GRID2IP: variants seen among roughly 807,000 people sequenced by gnomAD.
GRID2IP encodes delphilin.
A neutral mutation model predicts 114.3 loss-of-function variants in GRID2IP; 78 were observed. The ratio of observed to expected loss-of-function variants is 0.68; its 90% CI spans 0.57 to 0.82. The LOEUF (loss-of-function observed/expected upper bound fraction) is 0.82. GRID2IP is among the 40% of genes least tolerant of loss of function. The pLI is 0.00. For synonymous variants in GRID2IP, 809 were observed against 724.0 expected, an observed-to-expected ratio of 1.12 and a Z score of -1.89; for missense variants, 1,727 against 1,678.5, an observed-to-expected ratio of 1.03 and a Z score of -0.51.
chr7:6,523,772 C>A lies in GRID2IP; in HGVS notation c.920-1815G>T, dbSNP rs1322483793. ...CTCCTGGGCTCAAGTGATCTTCCTG[C>A]CTCGGCCTCCCAAAGTGCTGGGATT... is the stretch of plus-strand genomic sequence containing the variant. On this transcript the variant is annotated intron_variant, in intron 4 of 21. Coordinates refer to ENST00000457091, the MANE Select transcript of GRID2IP (RefSeq NM_001145118.2). This position sits in a 1 kb window ranked among gnomAD's most constrained non-coding sequence, Gnocchi z 4.5. Among the ~76,000 whole-genome samples, 1 of 152,054 alleles carries A rather than the reference C, an allele frequency of 6.6e-6. No homozygotes were observed. Among genetic ancestry groups the A allele is most frequent in the African/African-American group, 2.4e-5 (1 of 41,418 alleles).
intron 7 of GRID2IP, among the ~76,000 whole-genome samples, chr7:6,514,957 A>C (rs1185713554): frequency 5.9e-5 from 9 of 151,422 alleles, no homozygotes; most frequent in Non-Finnish European, 1.3e-4. Context: ...AACTCAAAAA[A>C]AAAAAAAAAG....
At position 6,508,914 on chromosome 7, in the gene GRID2IP, A is replaced by C. The variant is rs1583336419; in HGVS notation, c.2127+44T>G. On this transcript the variant is annotated intron_variant, in intron 12 of 21. Coordinates refer to ENST00000457091, the MANE Select transcript of GRID2IP (RefSeq NM_001145118.2). The surrounding 1 kb of genome is among the most constrained non-coding windows in gnomAD (Gnocchi z 5.6). The stretch of plus-strand genomic sequence containing the variant: ...ACACTGTTGCCTTGCAGACCGCCAC[A>C]CCTCGCCTCACCCGCCTCCCTCCAC... 6.6e-7 allele frequency: 1 copy of C among 1,521,398 alleles called. No individual in the cohort carries two copies. Among genetic ancestry groups the C allele is most frequent in the African/African-American group, 1.4e-5 (1 of 72,644 alleles). 94.2% of individuals were successfully genotyped at this position (1,521,398 alleles called of 1,614,324 possible). A position where few individuals can be genotyped will look rare whatever the true frequency, so the allele number is the denominator to read the frequency against.
Position 6,521,022 on chromosome 7 carries a change from G to A in GRID2IP, c.1085-261C>T, listed in dbSNP as rs1779401910. Among the ~76,000 whole-genome samples the A allele has an allele frequency of 6.6e-6, 1 of 152,228 alleles. No individual in the cohort carries two copies. Among genetic ancestry groups the A allele is most frequent in the South Asian group, 2.1e-4 (1 of 4,836 alleles). On this transcript the variant is annotated intron_variant, in intron 6 of 21. Transcript: ENST00000457091. This position sits in a 1 kb window ranked among gnomAD's most constrained non-coding sequence, Gnocchi z 4.1. Reference sequence around the variant, plus strand: ...GTCTTGCTCTGTTGCCCAGGCGGGAGTGCAATGGCGTGATCTCGGCTCACT... The same window carrying A: ...GTCTTGCTCTGTTGCCCAGGCGGGAATGCAATGGCGTGATCTCGGCTCACT...
At position 6,526,431 on chromosome 7, in the gene GRID2IP, A is replaced by AGCCCC; in HGVS notation, c.833+85_833+89dup. On this transcript the variant is annotated intron_variant, in intron 3 of 21. Coordinates refer to ENST00000457091, the MANE Select transcript of GRID2IP (RefSeq NM_001145118.2). This position sits in a 1 kb window ranked among gnomAD's most constrained non-coding sequence, Gnocchi z 7.6. ...GGCCCCCTATGCACCCCAGATGCCC[A>AGCCCC]GCCCCGCCCCTACGCCCTCTCCCCG... is the stretch of plus-strand genomic sequence containing the variant. 5 of 1,496,668 alleles carry AGCCCC rather than the reference A, an allele frequency of 3.3e-6. No homozygotes were observed. Among genetic ancestry groups the AGCCCC allele is most frequent in the Non-Finnish European group, 3.6e-6 (4 of 1,118,756 alleles). The allele number at this position is 1,496,668 out of a possible 1,614,324, so 92.7% of individuals were successfully genotyped here.
chr7:6,551,161 T>A lies in GRID2IP; in HGVS notation c.276A>T (p.Gly92=). The A allele has an allele frequency of 7.4e-7, 1 of 1,349,222 alleles. No homozygotes were observed. Among genetic ancestry groups the A allele is most frequent in the Non-Finnish European group, 9.5e-7 (1 of 1,057,992 alleles). 83.6% of individuals were successfully genotyped at this position (1,349,222 alleles called of 1,614,324 possible). A position where few individuals can be genotyped will look rare whatever the true frequency, so the allele number is the denominator to read the frequency against. ...CTGTGGTCGGGGCCGCGGGGCCGGA[T>A]CCTGGGCCGGGGCCACCGTCGGGAG... ...LPAPDGGPGP[G]SGPAAPTTVL... is the part of the protein sequence containing the mutation. The change falls in exon 1 of 22, where the codon GGA becomes GGT. Residue 92 remains glycine, a synonymous_variant. Transcript: ENST00000457091.
In GRID2IP at chr7:6,507,871, T is replaced by G. The variant is rs1786640048; in HGVS notation, c.2544+114A>C. The stretch of plus-strand genomic sequence containing the variant: ...GGCTGGGCCTCTACTCATCCTCTGC[T>G]TGGGGTAGGGAGGATGATGTTGGAA... On this transcript the variant is annotated intron_variant, in intron 13 of 21. Transcript: ENST00000457091. This position sits in a 1 kb window ranked among gnomAD's most constrained non-coding sequence, Gnocchi z 5.3. 3 of 1,444,152 alleles carry G rather than the reference T, an allele frequency of 2.1e-6. No homozygotes were observed. In the East Asian group the frequency reaches 7.6e-5, roughly 37 times the overall value. 89.5% of individuals were successfully genotyped at this position (1,444,152 alleles called of 1,614,324 possible). A position where few individuals can be genotyped will look rare whatever the true frequency, so the allele number is the denominator to read the frequency against.
chr7:6,533,075 T>C lies in GRID2IP; in HGVS notation c.585-6306A>G, dbSNP rs180914900. Among the ~76,000 whole-genome samples the C allele has an allele frequency of 1.7e-3, 263 of 152,278 alleles. 4 individuals carry two copies. Among genetic ancestry groups the C allele is most frequent in the Non-Finnish European group, 1.2e-3 (85 of 68,018 alleles). On this transcript the variant is annotated intron_variant, in intron 2 of 21. Coordinates refer to ENST00000457091, the MANE Select transcript of GRID2IP (RefSeq NM_001145118.2). ...TCGTGATTTTTGTCCACCCAGGGGA[T>C]ATTTGGCAGTCACTTGGCATTTTGT...
rs1389470442 is a variant in GRID2IP, at chr7:6,528,529, T to A, written c.585-1760A>T. ...TGCCTGTGAGGTCTCCCTGGCTGCA[T>A]CCCAAGGCCCCCTTCCCTGTTCCTT... On this transcript the variant is annotated intron_variant, in intron 2 of 21. Transcript: ENST00000457091. This position sits in a 1 kb window ranked among gnomAD's most constrained non-coding sequence, Gnocchi z 6.0. 2.0e-5 allele frequency among the ~76,000 whole-genome samples: 3 copies of A among 152,122 alleles called. No individual in the cohort carries two copies. The highest frequency in any genetic ancestry group is 4.4e-5 in the Non-Finnish European group (3 of 68,014).
intron 1 of GRID2IP, among the ~76,000 whole-genome samples, chr7:6,547,988 G>A (rs1779912152): frequency 6.6e-6 from 1 of 152,184 alleles, no homozygotes; most frequent in Non-Finnish European, 1.5e-5. Flanking sequence ...TCCCTTCCAC[G>A]GAGGAAAAGT....
rs907324750 is a variant in GRID2IP at position 6,506,538 on chromosome 7, ACCTGTGTC to A, written c.2545-639_2545-632del. Among the ~76,000 whole-genome samples the A allele has an allele frequency of 2.0e-5, 3 of 152,118 alleles. No homozygotes were observed. Among genetic ancestry groups the A allele is most frequent in the Admixed American group, 6.5e-5 (1 of 15,274 alleles). ...GGATTTGGGTTTGGCCACATGTGTG[ACCTGTGTC>A]CCTGTGTCCACCTTTGGTAACCAAT... is the stretch of plus-strand genomic sequence containing the variant. On this transcript the variant is annotated intron_variant, in intron 13 of 21. Transcript: ENST00000457091. The surrounding 1 kb of genome is among the most constrained non-coding windows in gnomAD (Gnocchi z 5.2).
chr7:6,513,842 G>A (rs1004797925), intron 8 of GRID2IP, among the ~76,000 whole-genome samples: 9 of 151,840 alleles, frequency 5.9e-5, no homozygotes, highest in South Asian at 2.1e-4. Flanking sequence ...CTGTGCTTTG[G>A]GAGGCCGGAG....
chr7:6,533,047 C>A (rs1228915869), intron 2 of GRID2IP, among the ~76,000 whole-genome samples: 1 of 152,198 alleles, frequency 6.6e-6, no homozygotes. Context: ...ACTTCTCAAC[C>A]AGTCGTGATT....
Position 6,509,856 on chromosome 7 carries a change from C to A in GRID2IP, c.1771+427G>T, listed in dbSNP as rs1486005185. 6.6e-6 allele frequency among the ~76,000 whole-genome samples: 1 copy of A among 152,226 alleles called. No individual in the cohort carries two copies. ...TTCTTTTTCTTTTTTAAGACAGGGTCTTACTCTGTTGCTTATAGGCTAGAG... is the reference window on the plus strand; with the variant it reads ...TTCTTTTTCTTTTTTAAGACAGGGTATTACTCTGTTGCTTATAGGCTAGAG... On this transcript the variant is annotated intron_variant, in intron 11 of 21. Coordinates refer to ENST00000457091, the MANE Select transcript of GRID2IP (RefSeq NM_001145118.2). The surrounding 1 kb of genome is among the most constrained non-coding windows in gnomAD (Gnocchi z 4.9).
chr7:6,509,176 T>G lies in GRID2IP; in HGVS notation c.1909A>C (p.Arg637=). ...SHPYASLDSS[R]APSPQPGPGP... Reference sequence around the variant, plus strand: ...GGGCCTGGCTGTGGGGAGGGTGCCCTGCTGCTGTCCAGGCTGGCGTAGGGG... The same window carrying G: ...GGGCCTGGCTGTGGGGAGGGTGCCCGGCTGCTGTCCAGGCTGGCGTAGGGG... The change falls in exon 12 of 22, where the codon AGG becomes CGG. Residue 637 remains arginine (R), a synonymous_variant. Transcript: ENST00000457091. The surrounding 1 kb of genome is among the most constrained non-coding windows in gnomAD (Gnocchi z 4.9). The G allele has an allele frequency of 6.8e-7, 1 of 1,475,626 alleles. No homozygotes were observed. The highest frequency in any genetic ancestry group is 9.0e-7 in the Non-Finnish European group (1 of 1,111,046). 91.4% of individuals were successfully genotyped at this position (1,475,626 alleles called of 1,614,324 possible). A position where few individuals can be genotyped will look rare whatever the true frequency, so the allele number is the denominator to read the frequency against.
chr7:6,520,820 G>T lies in GRID2IP; in HGVS notation c.1085-59C>A. On this transcript the variant is annotated intron_variant, in intron 6 of 21. Transcript: ENST00000457091. This position sits in a 1 kb window ranked among gnomAD's most constrained non-coding sequence, Gnocchi z 4.6. ...ACTCAGAGTCCCCAGGCCAGGTGTAGTCTCCCTGGCTTTTGAGGTCAGGAG... is the reference window on the plus strand; with the variant it reads ...ACTCAGAGTCCCCAGGCCAGGTGTATTCTCCCTGGCTTTTGAGGTCAGGAG... The T allele has an allele frequency of 6.8e-7, 1 of 1,479,698 alleles. No individual in the cohort carries two copies. The highest frequency in any genetic ancestry group is 9.1e-7 in the Non-Finnish European group (1 of 1,095,190). 91.7% of individuals were successfully genotyped at this position (1,479,698 alleles called of 1,614,324 possible). A position where few individuals can be genotyped will look rare whatever the true frequency, so the allele number is the denominator to read the frequency against.
rs1051315477 is a variant in GRID2IP at position 6,521,572 on chromosome 7, C to T, written c.990-49G>A. The stretch of plus-strand genomic sequence containing the variant: ...AGGGCCTGACTGGGGTGAGCCCTGT[C>T]CACGGCCACCAGCCAGACCTCCCTG... On this transcript the variant is annotated intron_variant, in intron 5 of 21. Coordinates refer to ENST00000457091, the MANE Select transcript of GRID2IP (RefSeq NM_001145118.2). This position sits in a 1 kb window ranked among gnomAD's most constrained non-coding sequence, Gnocchi z 4.1. 2.9e-6 allele frequency: 4 copies of T among 1,367,924 alleles called. No individual in the cohort carries two copies. The Admixed American group carries it at 9.1e-5, about 31-fold the overall frequency. 84.7% of individuals were successfully genotyped at this position (1,367,924 alleles called of 1,614,324 possible). A position where few individuals can be genotyped will look rare whatever the true frequency, so the allele number is the denominator to read the frequency against.
chr7:6,529,306 C>A (rs184184513), intron 2 of GRID2IP, among the ~76,000 whole-genome samples: 1 of 152,248 alleles, frequency 6.6e-6, no homozygotes, highest in Non-Finnish European at 1.5e-5. Context: ...CAAAACTTAG[C>A]CGGGCATGGT....
chr7:6,527,874 T>C (rs1157219987), intron 2 of GRID2IP, among the ~76,000 whole-genome samples: 1 of 151,846 alleles, frequency 6.6e-6, no homozygotes, highest in Non-Finnish European at 1.5e-5. Context: ...TTCTTCTGCC[T>C]CAGCCTCCCG....
chr7:6,513,454 A>G (rs1400188660), intron 8 of GRID2IP, among the ~76,000 whole-genome samples: 1 of 151,316 alleles, frequency 6.6e-6, no homozygotes, highest in Non-Finnish European at 1.5e-5. Context: ...TCCTGAGCTC[A>G]AGTGATGCTT....
Sources: allele counts gnomAD v4.1 joint callset (sites outside exome capture counted in the v4.1 genomes callset), GRCh38; gene constraint gnomAD v4.1.1; non-coding constraint Gnocchi (gnomAD v3.1); transcripts MANE v1.5; gene names NCBI Gene and HGNC (gene_info 2026-07-23, HGNC 2026-07-21).